BMX: variants seen among roughly 807,000 people sequenced by gnomAD.
BMX encodes the protein cytoplasmic tyrosine-protein kinase BMX.
Under a neutral mutation model 59.2 loss-of-function variants are expected in BMX, and 31 were observed. The ratio of observed to expected loss-of-function variants is 0.52; its 90% CI spans 0.39 to 0.71. The LOEUF (loss-of-function observed/expected upper bound fraction) is 0.71. Among genes scored for constraint, BMX ranks in the 30% least tolerant of loss-of-function variants. The pLI is 0.00. For missense variants in BMX, 474 were observed against 491.7 expected, an observed-to-expected ratio of 0.96 and a Z score of 0.34; for synonymous variants, 185 against 181.0, an observed-to-expected ratio of 1.02 and a Z score of -0.18.
At chrX:15,520,213 C>T (rs1237040795) in intron 6 of BMX, among the ~76,000 whole-genome samples, 7 of 112,277 alleles carry the variant, frequency 6.2e-5, no homozygotes, top group Non-Finnish European at 7.5e-5. Flanking sequence ...CAATTATAAT[C>T]GTTAGGAGTT....
In BMX at chrX:15,524,816, A is replaced by G. The variant is rs189815824; in HGVS notation, c.753-472A>G. ...GCTTAATACCCCAAATAAAAGAGAT[A>G]AAATGATCTATGGCAGAGGATGATG... On this transcript the variant is annotated intron_variant, in intron 7 of 18. Transcript: ENST00000348343. Among the ~76,000 whole-genome samples the G allele has an allele frequency of 3.8e-3, 432 of 112,274 alleles. 1 individual carries two copies. Among genetic ancestry groups the G allele is most frequent in the African/African-American group, 0.013 (409 of 30,964 alleles).
intron 9 of BMX, among the ~76,000 whole-genome samples, chrX:15,529,457 G>A (rs912010133): frequency 1.2e-4 from 13 of 112,304 alleles, no homozygotes; most frequent in Non-Finnish European, 9.4e-5. Context: ...AGGACATTCT[G>A]TCTAAAGCCC....
intron 5 of BMX, among the ~76,000 whole-genome samples, chrX:15,517,005 TGAA>T (rs770360834): frequency 1.8e-5 from 2 of 111,784 alleles, no homozygotes; most frequent in Non-Finnish European, 3.8e-5. Context: ...TTTAAAGAAT[TGAA>T]TGAGATCAGC....
chrX:15,542,474 G>A lies in BMX; in HGVS notation c.1611+276G>A, dbSNP rs1925740581. On this transcript the variant is annotated intron_variant, in intron 15 of 18. Transcript: ENST00000348343. The stretch of plus-strand genomic sequence containing the variant: ...GAAAGGAAAGACTTCTGCCAATTTA[G>A]TGTCTCTCAAAACCATTAAACCCAA... 2.7e-5 allele frequency among the ~76,000 whole-genome samples: 3 copies of A among 111,409 alleles called. No individual in the cohort carries two copies. In the Admixed American group the frequency reaches 2.9e-4, roughly 11 times the overall value.
At chrX:15,528,842 CCT>C (rs1405067812) in intron 9 of BMX, among the ~76,000 whole-genome samples, 1 of 111,898 alleles carries the variant, frequency 8.9e-6, no homozygotes. Flanking sequence ...CCTCTCCAGG[CCT>C]CTCTCCTGAT....
At chrX:15,514,052 G>A (rs1409481016) in intron 4 of BMX, among the ~76,000 whole-genome samples, 3 of 111,450 alleles carry the variant, frequency 2.7e-5, no homozygotes, top group African/African-American at 9.8e-5. Flanking sequence ...TTGCAATGTA[G>A]ACTTTTGGAT....
intron 8 of BMX, 84 bp from the exon 9 acceptor site, chrX:15,525,958 G>A (rs1214118732): frequency 4.9e-6 from 4 of 808,230 alleles, no homozygotes; most frequent in East Asian, 6.5e-5. Flanking sequence ...TAAAATCAGG[G>A]TGGGATTTGA....
rs752644740 is a variant in BMX, at chrX:15,537,129, G to A, written c.1223-5G>A. 8.3e-7 allele frequency: 1 copy of A among 1,210,820 alleles called. No homozygotes were observed. The highest frequency in any genetic ancestry group is 1.8e-5 in the South Asian group (1 of 56,945). ...TCCTAAAGAATGTCCGTCTTGCCTT[G>A]TTAGGAATCTGGGAACTGAAAAGAG... On this transcript the variant is annotated splice_polypyrimidine_tract_variant and splice_region_variant and intron_variant, in intron 13 of 18. Coordinates refer to ENST00000348343, the MANE Select transcript of BMX (RefSeq NM_203281.3).
intron 16 of BMX, among the ~76,000 whole-genome samples, chrX:15,545,112 A>C (rs775608286): frequency 8.9e-6 from 1 of 111,883 alleles, no homozygotes; most frequent in African/African-American, 3.3e-5. Context: ...TTAGTGTAGA[A>C]AGTAAAAAGT....
chrX:15,511,355 T>A, intron 3 of BMX, 82 bp from the exon 4 acceptor site: 1 of 810,142 alleles, frequency 1.2e-6, no homozygotes, highest in Non-Finnish European at 1.8e-6. Context: ...AGGTTTCTTT[T>A]GGATGACAAA....
chrX:15,520,534 C>T, intron 6 of BMX, among the ~76,000 whole-genome samples: 1 of 111,697 alleles, frequency 9.0e-6, no homozygotes, highest in Non-Finnish European at 1.9e-5. Flanking sequence ...TTTGTTTTGA[C>T]AAGTCTAAGA....
intron 1 of BMX, among the ~76,000 whole-genome samples, chrX:15,502,773 T>C (rs998450956): frequency 2.7e-4 from 30 of 112,175 alleles, no homozygotes; most frequent in Non-Finnish European, 3.0e-4. Context: ...AACTTTTTGT[T>C]CTTGTTTAAA....
At position 15,534,268 on chromosome X, in the gene BMX, T is replaced by C. The variant is rs1328014887; in HGVS notation, c.1076T>C (p.Leu359Ser). ...GTGCATACAAATGCTGAGAACAAAT[T>C]ATACCTGGCAGAAAACTACTGTTTT... ...YHVHTNAENK[L>S]YLAENYCFDS... Residue 359 changes from leucine (L) to serine (S), a missense_variant, in exon 12 of 19, where the codon TTA becomes TCA. Leu to Ser is a moderately radical substitution (Grantham distance 145, BLOSUM62 -2). Transcript: ENST00000348343. 2 of 1,194,372 alleles carry C rather than the reference T, an allele frequency of 1.7e-6. No homozygotes were observed. The highest frequency in any genetic ancestry group is 2.3e-6 in the Non-Finnish European group (2 of 885,048).
intron 15 of BMX, among the ~76,000 whole-genome samples, chrX:15,542,772 G>A (rs747785160): frequency 2.3e-3 from 259 of 111,918 alleles, no homozygotes; most frequent in African/African-American, 7.9e-3. Context: ...ATCTGGTGGT[G>A]GAAAGGGAGA....
In BMX at chrX:15,537,212, G is replaced by A. The variant is rs747098469; in HGVS notation, c.1301G>A (p.Gly434Asp). 2.5e-6 allele frequency: 3 copies of A among 1,208,424 alleles called. No homozygotes were observed. The highest frequency in any genetic ancestry group is 3.4e-6 in the Non-Finnish European group (3 of 894,706). Residue 434 changes from glycine to aspartate, a missense_variant, in exon 14 of 19, where the codon GGC (glycine) becomes GAC (aspartate). Gly to Asp is a moderately conservative substitution (Grantham distance 94). Coordinates refer to ENST00000348343, the MANE Select transcript of BMX (RefSeq NM_203281.3). ...GSGQFGVVQL[G>D]KWKGQYDVAV... ...GGCCAGTTTGGAGTGGTCCAGCTGG[G>A]CAAGTGGAAGGGGCAGTATGATGTT...
At chrX:15,552,843 C>G (rs1926258897) in intron 18 of BMX, among the ~76,000 whole-genome samples, 1 of 112,243 alleles carries the variant, frequency 8.9e-6, no homozygotes, top group Admixed American at 9.5e-5. Flanking sequence ...TTTCTCACAG[C>G]CACCACAAGA....
intron 12 of BMX, among the ~76,000 whole-genome samples, chrX:15,534,804 C>A (rs1378581912): frequency 3.6e-5 from 4 of 111,117 alleles, no homozygotes; most frequent in Non-Finnish European, 7.6e-5. Flanking sequence ...GATCATTCTA[C>A]ACATATTGCT....
At chrX:15,526,767 G>A (rs1257917867) in intron 9 of BMX, among the ~76,000 whole-genome samples, 1 of 109,291 alleles carries the variant, frequency 9.1e-6, no homozygotes, top group African/African-American at 3.3e-5. Flanking sequence ...TGTATTTTTA[G>A]TAGAGACAGG....
At chrX:15,512,692 TAGG>T (rs1488960207) in intron 4 of BMX, among the ~76,000 whole-genome samples, 1 of 112,215 alleles carries the variant, frequency 8.9e-6, no homozygotes, top group Non-Finnish European at 1.9e-5. Context: ...ACCTGTCAAA[TAGG>T]AGATCACATT....
Sources: allele counts gnomAD v4.1 joint callset (sites outside exome capture counted in the v4.1 genomes callset), GRCh38; gene constraint gnomAD v4.1.1; transcripts MANE v1.5; gene names NCBI Gene and HGNC (gene_info 2026-07-23, HGNC 2026-07-21).